The following TP53I13 variants were observed in gnomAD, a reference collection of about 807,000 sequenced individuals.
TP53I13 encodes the protein tumor protein p53 inducible protein 13, also known as tumor protein p53-inducible protein 13.
TP53I13 carries 27 observed loss-of-function variants against 39.1 expected under a neutral mutation model. The ratio of observed to expected loss-of-function variants is 0.69; its 90% CI spans 0.51 to 0.95. The LOEUF is 0.95. Among genes scored for constraint, TP53I13 ranks in the 40% least tolerant of loss-of-function variants. The probability of loss-of-function intolerance (pLI) is 0.00; values close to 1 mark genes in which losing one functional copy is unlikely to be tolerated. For synonymous variants in TP53I13, 230 were observed against 224.6 expected (o/e 1.02, Z -0.22); for missense variants, 544 against 520.4 (o/e 1.05, Z -0.44).
In TP53I13 at chr17:29,572,856, C is replaced by A; in HGVS notation, c.1114C>A (p.Arg372Ser). ...RLLQPSRRVK[R>S]SRRRPLLPPT... ...GCTGCAGCCCTCGCGCCGGGTCAAG[C>A]GCTCGCGCCGGAGACCCCTCCTCCC... Residue 372 changes from arginine to serine, a missense_variant, in exon 7 of 7, where the codon CGC becomes AGC. Transcript: ENST00000301057. 1 of 1,524,090 alleles carries A rather than the reference C, an allele frequency of 6.6e-7. No individual in the cohort carries two copies. The highest frequency in any genetic ancestry group is 8.8e-7 in the Non-Finnish European group (1 of 1,142,566). The allele number at this position is 1,524,090 out of a possible 1,614,324, so 94.4% of individuals were successfully genotyped here. A position where few individuals can be genotyped will look rare whatever the true frequency, so the allele number is the denominator to read the frequency against.
At position 29,572,622 on chromosome 17, in the gene TP53I13, C is replaced by T. The variant is rs1291425143; in HGVS notation, c.994C>T (p.Arg332Trp). Residue 332 changes from arginine to tryptophan, a missense_variant, in exon 6 of 7, where the codon CGG (arginine) becomes TGG (tryptophan). Physicochemically the swap from Arg to Trp is moderately radical, Grantham distance 101 (BLOSUM62 -3). Coordinates refer to ENST00000301057, the MANE Select transcript of TP53I13 (RefSeq NM_138349.4). ...GCTCACCCTGGCCACGCTCTGCACA[C>T]GGCTGCACAGAAACTTCCGACGCGG... is the stretch of plus-strand genomic sequence containing the variant. ...VLLTLATLCT[R>W]LHRNFRRGES... is the part of the protein sequence containing the mutation. 1.9e-6 allele frequency: 3 copies of T among 1,590,486 alleles called. No individual in the cohort carries two copies. Among genetic ancestry groups the T allele is most frequent in the South Asian group, 1.1e-5 (1 of 88,208 alleles).
At chr17:29,578,072 G>A (rs963741791), downstream of TP53I13, among the ~76,000 whole-genome samples, 14 of 152,238 alleles carry the variant, frequency 9.2e-5, no homozygotes, top group African/African-American at 3.4e-4. Flanking sequence ...CAGAGCAAGA[G>A]GAGCCCCAGT....
At chr17:29,566,936 T>G (rs975077182), upstream of TP53I13, 22 of 1,446,774 alleles carry the variant, frequency 1.5e-5, no homozygotes, top group Non-Finnish European at 1.9e-5. Context: ...ACGGCCAAGA[T>G]GAGCGCGAGG....
At chr17:29,579,023 G>C in the TP53I13 span, 1 of 1,608,768 alleles carries the variant, frequency 6.2e-7, no homozygotes, top group Non-Finnish European at 8.5e-7. Flanking sequence ...GGGAAGAACA[G>C]GACAGAGGCG....
chr17:29,567,440 C>T (rs1214259429), upstream of TP53I13: 1 of 151,970 alleles, frequency 6.6e-6, no homozygotes, highest in Non-Finnish European at 1.5e-5. The surrounding 1 kb of genome is among the most constrained non-coding windows in gnomAD (Gnocchi z 6.6). Flanking sequence ...CGGGCGCCGG[C>T]TCCCGGGACC....
Position 29,568,911 on chromosome 17 carries a change from G to C in TP53I13, c.72+81G>C. The C allele has an allele frequency of 1.3e-6, 2 of 1,596,020 alleles. No homozygotes were observed. The highest frequency in any genetic ancestry group is 1.7e-6 in the Non-Finnish European group (2 of 1,174,642). On this transcript the variant is annotated intron_variant, in intron 1 of 6. Transcript: ENST00000301057. The surrounding 1 kb of genome is among the most constrained non-coding windows in gnomAD (Gnocchi z 4.5). ...AAAAGTTCGTCCTGGAAGGAGTGGC[G>C]CGCCGAGGGGGACGCGGAGTTCTTC...
chr17:29,569,253 C>A, intron 2 of TP53I13, 65 bp from the exon 3 acceptor site: 1 of 1,569,974 alleles, frequency 6.4e-7, no homozygotes, highest in South Asian at 1.1e-5. Context: ...CCTGCCGTCC[C>A]CTCCCCACCA....
chr17:29,574,855 C>T, downstream of TP53I13: 1 of 1,598,602 alleles, frequency 6.3e-7, no homozygotes, highest in East Asian at 2.2e-5. Context: ...CACTCTGCAG[C>T]CGGTAGGCGC....
At chr17:29,577,621 A>G (rs751955249), downstream of TP53I13, 16 of 1,466,478 alleles carry the variant, frequency 1.1e-5, no homozygotes, top group Non-Finnish European at 1.5e-5. Context: ...AGACCACCCC[A>G]GGCCCCCAAT....
downstream of TP53I13, chr17:29,573,678 T>C: frequency 6.6e-6 from 1 of 152,266 alleles, no homozygotes; most frequent in East Asian, 1.9e-4. Flanking sequence ...CAGGTGCAGG[T>C]AGTGATGGTG....
chr17:29,571,806 C>T (rs765815371), intron 4 of TP53I13, 51 bp from the exon 5 acceptor site: 13 of 1,612,878 alleles, frequency 8.1e-6, no homozygotes, highest in African/African-American at 5.3e-5. Context: ...AGGGTTTCCT[C>T]TTGTTTGTCC....
chr17:29,572,971 G>T lies in TP53I13; in HGVS notation c.*47G>T. 7.4e-7 allele frequency: 1 copy of T among 1,348,816 alleles called. No homozygotes were observed. Among genetic ancestry groups the T allele is most frequent in the African/African-American group, 1.5e-5 (1 of 64,932 alleles). The allele number at this position is 1,348,816 out of a possible 1,614,324, so 83.6% of individuals were successfully genotyped here. ...GGCGTGCGGCTCCTCCCCGCGCCGC[G>T]AGGCCGCGACCTCTGCCACGTGGAC... On this transcript the variant is annotated 3_prime_UTR_variant, in exon 7 of 7. Coordinates refer to ENST00000301057, the MANE Select transcript of TP53I13 (RefSeq NM_138349.4).
the TP53I13 span, chr17:29,578,855 C>A: frequency 1.3e-5 from 20 of 1,562,732 alleles, no homozygotes; most frequent in South Asian, 4.4e-5. Flanking sequence ...CAGCAACCTC[C>A]CCAACATGCA....
At chr17:29,581,893 C>T in the TP53I13 span, 6 of 1,603,818 alleles carry the variant, frequency 3.7e-6, no homozygotes, top group African/African-American at 6.7e-5. The surrounding 1 kb of genome is among the most constrained non-coding windows in gnomAD (Gnocchi z 4.8). Flanking sequence ...CACACCCCCA[C>T]CCACCCACAC....
the TP53I13 span, chr17:29,579,345 C>G: frequency 3.1e-6 from 1 of 324,804 alleles, no homozygotes; most frequent in Non-Finnish European, 5.7e-6. Context: ...TCCTGTTCCA[C>G]CCAGCAGCCA....
chr17:29,581,620 C>T, the TP53I13 span: 1 of 777,876 alleles, frequency 1.3e-6, no homozygotes, highest in East Asian at 2.6e-5. The surrounding 1 kb of genome is among the most constrained non-coding windows in gnomAD (Gnocchi z 4.8). Context: ...AGCCAGTTGC[C>T]TAGCAACATT....
downstream of TP53I13, chr17:29,576,801 T>C: frequency 6.3e-7 from 1 of 1,576,694 alleles, no homozygotes. Flanking sequence ...AGGACAGAGC[T>C]GGGCCTCAGC....
At chr17:29,576,627 C>G, downstream of TP53I13, 1 of 1,613,964 alleles carries the variant, frequency 6.2e-7, no homozygotes, top group Non-Finnish European at 8.5e-7. Flanking sequence ...GCTCCAGGTA[C>G]TCCTGCAGCG....
At chr17:29,571,811 T>A (rs758649960) in intron 4 of TP53I13, 46 bp from the exon 5 acceptor site, 8 of 1,612,720 alleles carry the variant, frequency 5.0e-6, no homozygotes, top group Admixed American at 1.7e-5. Context: ...TTCCTCTTGT[T>A]TGTCCCCACC....
Sources: gnomAD v4.1 joint callset for allele counts (sites outside exome capture counted in the v4.1 genomes callset) on GRCh38, gnomAD v4.1.1 for gene constraint, Gnocchi (gnomAD v3.1) non-coding constraint, MANE v1.5 for transcripts, NCBI Gene and HGNC (gene_info 2026-07-23, HGNC 2026-07-21) for gene names.